APCDD1L: variants seen among roughly 807,000 people sequenced by gnomAD.
APCDD1L encodes the protein APC down-regulated 1 like.
APCDD1L carries 21 observed loss-of-function variants against 24.2 expected under a neutral mutation model. That is an observed-to-expected ratio of 0.87 (90% CI 0.61 to 1.25). The LOEUF is 1.25. Ranked by LOEUF, APCDD1L falls within the 50% of genes most tolerant of loss-of-function variation. The pLI, the probability that APCDD1L is intolerant of heterozygous loss-of-function variation, is 0.00. For synonymous variants in APCDD1L, 321 were observed against 323.6 expected (o/e 0.99, Z 0.09); for missense variants, 704 against 711.7 (o/e 0.99, Z 0.12).
chr20:58,478,931 T>A (rs1374125529), intron 1 of APCDD1L, among the ~76,000 whole-genome samples: 1 of 151,970 alleles, frequency 6.6e-6, no homozygotes, highest in Non-Finnish European at 1.5e-5. Context: ...GAGCATCAGA[T>A]CATGTCACAG....
intron 1 of APCDD1L, among the ~76,000 whole-genome samples, chr20:58,514,386 G>A (rs1990696019): frequency 6.6e-6 from 1 of 152,216 alleles, no homozygotes; most frequent in Admixed American, 6.5e-5. Context: ...GCAGCTCTGG[G>A]TACCTACAGG....
rs541342098 is a variant in APCDD1L, at chr20:58,467,711, G to A, written c.189-53C>T. 96 of 1,397,504 alleles carry A rather than the reference G, an allele frequency of 6.9e-5. 1 individual carries two copies. The East Asian group carries it at 1.9e-3, about 27-fold the overall frequency. 86.6% of individuals were successfully genotyped at this position (1,397,504 alleles called of 1,614,324 possible). A position where few individuals can be genotyped will look rare whatever the true frequency, so the allele number is the denominator to read the frequency against. ...GTGCAGAGGGAACACCGCGCCGCGAGCCCCTCTCCCCTCTGGGCTGGGCTC... is the reference window on the plus strand; with the variant it reads ...GTGCAGAGGGAACACCGCGCCGCGAACCCCTCTCCCCTCTGGGCTGGGCTC... On this transcript the variant is annotated intron_variant, in intron 2 of 3. Coordinates refer to ENST00000371149, the MANE Select transcript of APCDD1L (RefSeq NM_153360.3). The surrounding 1 kb of genome is among the most constrained non-coding windows in gnomAD (Gnocchi z 5.9).
Position 58,467,859 on chromosome 20 carries a change from G to A in APCDD1L, c.189-201C>T, listed in dbSNP as rs182959824. Among the ~76,000 whole-genome samples the A allele has an allele frequency of 3.6e-4, 55 of 152,274 alleles. No homozygotes were observed. Among genetic ancestry groups the A allele is most frequent in the South Asian group, 1.2e-3 (6 of 4,830 alleles). ...TGGGGCTTTGCACTGGATGCCTCGT[G>A]GCCTCGACACAAGCCTTCTAGTTCA... is the stretch of plus-strand genomic sequence containing the variant. On this transcript the variant is annotated intron_variant, in intron 2 of 3. Transcript: ENST00000371149. This position sits in a 1 kb window ranked among gnomAD's most constrained non-coding sequence, Gnocchi z 5.9.
chr20:58,486,422 A>G (rs1990117997), intron 1 of APCDD1L, among the ~76,000 whole-genome samples: 1 of 152,220 alleles, frequency 6.6e-6, no homozygotes, highest in Non-Finnish European at 1.5e-5. Flanking sequence ...AAATTTAGGG[A>G]AAAAAGAGAG....
Position 58,467,722 on chromosome 20 carries a change from C to T in APCDD1L, c.189-64G>A. The stretch of plus-strand genomic sequence containing the variant: ...ACACCGCGCCGCGAGCCCCTCTCCC[C>T]TCTGGGCTGGGCTCCTTTCTCCCCC... On this transcript the variant is annotated intron_variant, in intron 2 of 3. Coordinates refer to ENST00000371149, the MANE Select transcript of APCDD1L (RefSeq NM_153360.3). This position sits in a 1 kb window ranked among gnomAD's most constrained non-coding sequence, Gnocchi z 5.9. 1.5e-6 allele frequency: 2 copies of T among 1,375,470 alleles called. No homozygotes were observed. Among genetic ancestry groups the T allele is most frequent in the Non-Finnish European group, 9.4e-7 (1 of 1,059,316 alleles). 85.2% of individuals were successfully genotyped at this position (1,375,470 alleles called of 1,614,324 possible).
chr20:58,467,845 ACTGGATGCCTCG>A lies in APCDD1L; in HGVS notation c.189-199_189-188del, dbSNP rs1165111135. Among the ~76,000 whole-genome samples, 1 of 151,930 alleles carries A rather than the reference ACTGGATGCCTCG, an allele frequency of 6.6e-6. No individual in the cohort carries two copies. Among genetic ancestry groups the A allele is most frequent in the Non-Finnish European group, 1.5e-5 (1 of 67,960 alleles). The stretch of plus-strand genomic sequence containing the variant: ...GGCACCCTTGGGGCTGGGGCTTTGC[ACTGGATGCCTCG>A]TGGCCTCGACACAAGCCTTCTAGTT... On this transcript the variant is annotated intron_variant, in intron 2 of 3. Transcript: ENST00000371149. The surrounding 1 kb of genome is among the most constrained non-coding windows in gnomAD (Gnocchi z 5.9).
In APCDD1L at chr20:58,472,863, G is replaced by A. The variant is rs1007780015; in HGVS notation, c.50-2116C>T. Among the ~76,000 whole-genome samples, 2 of 152,294 alleles carry A rather than the reference G, an allele frequency of 1.3e-5. 1 individual carries two copies. Among genetic ancestry groups the A allele is most frequent in the Admixed American group, 1.3e-4 (2 of 15,298 alleles). On this transcript the variant is annotated intron_variant, in intron 1 of 3. Coordinates refer to ENST00000371149, the MANE Select transcript of APCDD1L (RefSeq NM_153360.3). ...TTGTAGTGGGTACGTAGGCACCAAA[G>A]TTGGGCCAGATCCCCATGCAACTCG...
rs1266615023 is a variant in APCDD1L at position 58,497,990 on chromosome 20, A to G, written c.49+16669T>C. On this transcript the variant is annotated intron_variant, in intron 1 of 3. Transcript: ENST00000371149. The surrounding 1 kb of genome is among the most constrained non-coding windows in gnomAD (Gnocchi z 4.3). The stretch of plus-strand genomic sequence containing the variant: ...TTCCTCTGGGGGCATATGCATAAAT[A>G]TATGTCCCGAGGAGGGGTGCGGTGG... 6.6e-6 allele frequency among the ~76,000 whole-genome samples: 1 copy of G among 152,150 alleles called. No homozygotes were observed. Among genetic ancestry groups the G allele is most frequent in the African/African-American group, 2.4e-5 (1 of 41,424 alleles).
intron 1 of APCDD1L, among the ~76,000 whole-genome samples, chr20:58,502,675 T>C (rs1489098427): frequency 6.7e-6 from 1 of 150,126 alleles, no homozygotes; most frequent in Non-Finnish European, 1.5e-5. Flanking sequence ...TCTCCTAAAT[T>C]AGAATTTGAA....
chr20:58,479,674 G>C (rs6100081), intron 1 of APCDD1L, among the ~76,000 whole-genome samples: 1 of 146,368 alleles, frequency 6.8e-6, no homozygotes, highest in African/African-American at 2.6e-5. Flanking sequence ...AATTCACCTA[G>C]AAAGTTTGGA....
At chr20:58,476,683 G>C (rs1254033897) in intron 1 of APCDD1L, among the ~76,000 whole-genome samples, 1 of 152,222 alleles carries the variant, frequency 6.6e-6, no homozygotes, top group Non-Finnish European at 1.5e-5. Context: ...CAACTTCAAT[G>C]ATTTCCCAGT....
At chr20:58,470,890 C>T (rs557218374) in intron 1 of APCDD1L, 143 bp from the exon 2 acceptor site, 36 of 1,239,282 alleles carry the variant, frequency 2.9e-5, no homozygotes, top group Admixed American at 2.3e-4. Context: ...CCAGGGTGCC[C>T]CAGTTCTGGA....
At chr20:58,468,765 G>A (rs762582444) in intron 2 of APCDD1L, among the ~76,000 whole-genome samples, 2 of 151,950 alleles carry the variant, frequency 1.3e-5, no homozygotes, top group African/African-American at 2.4e-5. Flanking sequence ...ATGGAGTTTC[G>A]TCATGTTGGC....
At chr20:58,493,874 T>C (rs574666614) in intron 1 of APCDD1L, among the ~76,000 whole-genome samples, 1 of 152,318 alleles carries the variant, frequency 6.6e-6, no homozygotes, top group East Asian at 1.9e-4. Context: ...CCCCACACAG[T>C]TGAAAATCTA....
intron 1 of APCDD1L, among the ~76,000 whole-genome samples, chr20:58,501,291 A>T (rs914377999): frequency 6.6e-6 from 1 of 152,202 alleles, no homozygotes; most frequent in Non-Finnish European, 1.5e-5. Context: ...ACCTCAGAGC[A>T]TGACTGTATT....
At chr20:58,501,946 C>T (rs533717569) in intron 1 of APCDD1L, among the ~76,000 whole-genome samples, 5 of 152,324 alleles carry the variant, frequency 3.3e-5, no homozygotes, top group African/African-American at 1.2e-4. Context: ...AGCGCTGGCT[C>T]CTTTTCATCT....
At chr20:58,477,824 T>A (rs1200509426) in intron 1 of APCDD1L, among the ~76,000 whole-genome samples, 1 of 152,152 alleles carries the variant, frequency 6.6e-6, no homozygotes, top group African/African-American at 2.4e-5. Flanking sequence ...CTCACTATGT[T>A]GCCCAGGCTG....
At chr20:58,510,979 C>A (rs532329254) in intron 1 of APCDD1L, among the ~76,000 whole-genome samples, 1 of 152,340 alleles carries the variant, frequency 6.6e-6, no homozygotes, top group South Asian at 2.1e-4. Flanking sequence ...TTCCCCAGGT[C>A]TGGAGACTTT....
intron 1 of APCDD1L, among the ~76,000 whole-genome samples, chr20:58,511,840 G>C (rs756648506): frequency 1.7e-4 from 26 of 152,040 alleles, no homozygotes; most frequent in Non-Finnish European, 8.8e-5. Context: ...TAATCTGACT[G>C]TAAATGATAA....
Sources: allele counts gnomAD v4.1 joint callset (sites outside exome capture counted in the v4.1 genomes callset), GRCh38; gene constraint gnomAD v4.1.1; non-coding constraint Gnocchi (gnomAD v3.1); transcripts MANE v1.5; gene names NCBI Gene and HGNC (gene_info 2026-07-23, HGNC 2026-07-21).